Variants in NAALADL2 observed in about 807,000 individuals in gnomAD.
NAALADL2 encodes the protein N-acetylated alpha-linked acidic dipeptidase like 2.
NAALADL2 carries 76 observed loss-of-function variants against 87.2 expected under a neutral mutation model. The observed-to-expected ratio is 0.87, with a 90% CI of 0.72 to 1.05. NAALADL2 has a LOEUF of 1.05. Ranked by LOEUF, NAALADL2 falls within the 50% of genes least tolerant of loss-of-function variation. NAALADL2 has a pLI of 0.00. For missense variants in NAALADL2, 1,089 were observed against 945.8 expected (o/e 1.15, Z -1.99); for synonymous variants, 354 against 331.0 (o/e 1.07, Z -0.75).
At chr3:175,562,993 A>G (rs574891309) in intron 9 of NAALADL2, among the ~76,000 whole-genome samples, 2 of 151,722 alleles carry the variant, frequency 1.3e-5, no homozygotes, top group South Asian at 4.2e-4. Flanking sequence ...TTGGTTATGT[A>G]GTAGTAATGA....
intron 1 of NAALADL2, among the ~76,000 whole-genome samples, chr3:174,468,079 G>C (rs941001696): frequency 1.3e-5 from 2 of 152,110 alleles, no homozygotes; most frequent in African/African-American, 2.4e-5. Flanking sequence ...CCACAAATTG[G>C]ATATTTCTCA....
intron 4 of NAALADL2, among the ~76,000 whole-genome samples, chr3:175,299,745 G>C (rs1285801800): frequency 6.6e-6 from 1 of 152,104 alleles, no homozygotes; most frequent in Admixed American, 6.6e-5. Context: ...GAGATAATTT[G>C]ACTTCCTCTC....
At chr3:175,218,704 A>G (rs947067798) in intron 2 of NAALADL2, among the ~76,000 whole-genome samples, 7 of 152,126 alleles carry the variant, frequency 4.6e-5, no homozygotes, top group Non-Finnish European at 8.8e-5. Context: ...TTCATTGGCT[A>G]TATCTGTGAG....
At chr3:175,496,814 C>T (rs1728879930) in intron 9 of NAALADL2, among the ~76,000 whole-genome samples, 1 of 152,050 alleles carries the variant, frequency 6.6e-6, no homozygotes, top group Non-Finnish European at 1.5e-5. Context: ...CCTGCCTCGG[C>T]CTCCCAAAGT....
intron 2 of NAALADL2, among the ~76,000 whole-genome samples, chr3:174,672,461 G>A (rs1726647183): frequency 1.2e-5 from 1 of 86,910 alleles, no homozygotes; most frequent in Non-Finnish European, 2.9e-5. Flanking sequence ...GAGCAAATCA[G>A]ATAAAAATTC....
chr3:174,913,692 T>C, intron 1 of NAALADL2, among the ~76,000 whole-genome samples: 1 of 152,200 alleles, frequency 6.6e-6, no homozygotes, highest in Non-Finnish European at 1.5e-5. Flanking sequence ...CCAAATGAAG[T>C]ACTATATTGC....
intron 1 of NAALADL2, among the ~76,000 whole-genome samples, chr3:174,986,220 T>C (rs1018208397): frequency 2.0e-5 from 3 of 149,098 alleles, no homozygotes; most frequent in African/African-American, 7.3e-5. Context: ...CACCCACTGC[T>C]CAACATGTAG....
chr3:175,507,727 A>T (rs56034879), intron 9 of NAALADL2, among the ~76,000 whole-genome samples: 4,186 of 152,176 alleles, frequency 0.028, 227 homozygotes, highest in African/African-American at 0.095. Flanking sequence ...CCTGGCTATT[A>T]GGCATTATTA....
In NAALADL2 at chr3:175,126,235, A is replaced by T. The variant is rs79896252; in HGVS notation, c.545+28944A>T. Among the ~76,000 whole-genome samples the T allele has an allele frequency of 1.3e-3, 197 of 152,252 alleles. 5 individuals carry two copies. The East Asian group carries it at 0.036, about 28-fold the overall frequency. ...AAGAGGAATTGGAGATAGGAAGAAC[A>T]GATAAAAGAGGCGATTGACTTAGGA... On this transcript the variant is annotated intron_variant, in intron 2 of 13. Coordinates refer to ENST00000454872, the MANE Select transcript of NAALADL2 (RefSeq NM_207015.3).
At chr3:175,015,291 C>A (rs9868994) in intron 1 of NAALADL2, among the ~76,000 whole-genome samples, 1 of 151,842 alleles carries the variant, frequency 6.6e-6, no homozygotes, top group Non-Finnish European at 1.5e-5. Context: ...TTTCAATTAA[C>A]CTATGTATAT....
intron 2 of NAALADL2, among the ~76,000 whole-genome samples, chr3:175,169,768 G>A (rs1344967877): frequency 1.3e-5 from 2 of 151,792 alleles, no homozygotes; most frequent in African/African-American, 4.8e-5. Flanking sequence ...TAGCTATTTT[G>A]TTGGATGAGG....
chr3:175,153,702 G>A (rs2108796977), intron 2 of NAALADL2, among the ~76,000 whole-genome samples: 1 of 152,294 alleles, frequency 6.6e-6, no homozygotes, highest in East Asian at 1.9e-4. Context: ...AAGTAAGGAA[G>A]AGCTATGTTA....
intron 1 of NAALADL2, among the ~76,000 whole-genome samples, chr3:174,891,928 T>C (rs1215572532): frequency 1.3e-5 from 2 of 151,586 alleles, no homozygotes; most frequent in Non-Finnish European, 2.9e-5. Context: ...GAGGGAAGAG[T>C]AGGGAGGACT....
At chr3:175,382,375 C>T (rs945266272) in intron 5 of NAALADL2, among the ~76,000 whole-genome samples, 3 of 151,754 alleles carry the variant, frequency 2.0e-5, no homozygotes, top group African/African-American at 7.3e-5. Context: ...AGGAATCTTT[C>T]TGTTTATTTG....
chr3:174,467,034 T>C (rs1445103387), intron 1 of NAALADL2, among the ~76,000 whole-genome samples: 1 of 152,166 alleles, frequency 6.6e-6, no homozygotes, highest in Non-Finnish European at 1.5e-5. Context: ...TTATGGTTTA[T>C]GTAGTCTATC....
intron 2 of NAALADL2, among the ~76,000 whole-genome samples, chr3:175,153,821 A>G (rs1731911319): frequency 6.6e-6 from 1 of 152,160 alleles, no homozygotes; most frequent in Non-Finnish European, 1.5e-5. Context: ...AAGCTTTTTC[A>G]CTAGAGTGAG....
chr3:174,784,287 A>T (rs889948102), intron 3 of NAALADL2, among the ~76,000 whole-genome samples: 1 of 152,214 alleles, frequency 6.6e-6, no homozygotes, highest in African/African-American at 2.4e-5. Context: ...ATACATATGC[A>T]TATGCAGCTT....
chr3:175,225,661 A>G (rs1189589468), intron 2 of NAALADL2, among the ~76,000 whole-genome samples: 1 of 152,090 alleles, frequency 6.6e-6, no homozygotes, highest in African/African-American at 2.4e-5. Context: ...TCTCCCAATT[A>G]TTTATTCAGT....
intron 1 of NAALADL2, among the ~76,000 whole-genome samples, chr3:174,874,681 C>T (rs976689441): frequency 6.6e-6 from 1 of 152,038 alleles, no homozygotes; most frequent in Non-Finnish European, 1.5e-5. Flanking sequence ...AAGTACATTG[C>T]AATTCAAGGT....
Sources: allele counts gnomAD v4.1 joint callset (sites outside exome capture counted in the v4.1 genomes callset), GRCh38; gene constraint gnomAD v4.1.1; transcripts MANE v1.5; gene names NCBI Gene and HGNC (gene_info 2026-07-23, HGNC 2026-07-21).